The following RNF126 variants were observed in gnomAD, a reference collection of about 807,000 sequenced individuals.
RNF126 encodes E3 ubiquitin-protein ligase RNF126.
In RNF126, 20 loss-of-function variants were observed where a neutral mutation model predicts 41.9. The observed-to-expected ratio is 0.48, with a 90% confidence interval of 0.34 to 0.69. RNF126 has a LOEUF of 0.69. Among genes scored for constraint, RNF126 ranks in the 30% least tolerant of loss-of-function variants. The pLI, the probability that RNF126 is intolerant of heterozygous loss-of-function variation, is 0.01. For synonymous variants in RNF126, 239 were observed against 202.9 expected (o/e 1.18, Z -1.51); for missense variants, 433 against 460.6 (o/e 0.94, Z 0.55).
intron 3 of RNF126, 149 bp downstream of exon 3, chr19:652,084 C>T (rs1600632819): frequency 6.7e-6 from 5 of 751,768 alleles, no homozygotes; most frequent in South Asian, 4.1e-5. Flanking sequence ...GCGTGGGCCG[C>T]CCCAATCCCT....
rs913452366 is a variant in RNF126 at position 663,123 on chromosome 19, G to A, written c.-2C>T. 4.7e-6 allele frequency: 6 copies of A among 1,287,132 alleles called. No individual in the cohort carries two copies. The highest frequency in any genetic ancestry group is 5.9e-6 in the Non-Finnish European group (6 of 1,011,102). The allele number at this position is 1,287,132 out of a possible 1,614,324, so 79.7% of individuals were successfully genotyped here. On this transcript the variant is annotated 5_prime_UTR_variant, in exon 1 of 9. Coordinates refer to ENST00000292363, the MANE Select transcript of RNF126 (RefSeq NM_194460.3). ...GGGATGCGGCGACGCCTCGGCCATG[G>A]CCGCCGCCACCTACTCCGCGCCGCC...
Position 648,360 on chromosome 19 carries a change from CGGGG to C in RNF126, c.786+8_786+11del. 3.0e-5 allele frequency: 9 copies of C among 302,184 alleles called. No individual in the cohort carries two copies. Among genetic ancestry groups the C allele is most frequent in the Non-Finnish European group, 4.4e-5 (9 of 204,962 alleles). The allele number at this position is 302,184 out of a possible 1,614,324, so 18.7% of individuals were successfully genotyped here. On this transcript the variant is annotated splice_region_variant and intron_variant, in intron 8 of 8. Coordinates refer to ENST00000292363, the MANE Select transcript of RNF126 (RefSeq NM_194460.3). ...CGGTCGGGGTGGGGGGGCGGGTGGG[CGGGG>C]CACTCACCTGCTCCAGCCAGGGCAC...
intron 1 of RNF126, among the ~76,000 whole-genome samples, chr19:661,919 C>T (rs1046024288): frequency 6.6e-6 from 1 of 152,196 alleles, no homozygotes; most frequent in Non-Finnish European, 1.5e-5. Context: ...CTGCCACTTT[C>T]CCGCTGAGCC....
chr19:650,377 C>T, intron 4 of RNF126, 81 bp from the exon 5 acceptor site: 3 of 1,245,162 alleles, frequency 2.4e-6, no homozygotes, highest in Non-Finnish European at 2.3e-6. Context: ...CCGTGGTGAG[C>T]ACCAAGGGCA....
Position 648,352 on chromosome 19 carries a change from CGGGTGGG to C in RNF126, c.786+13_786+19del. The C allele has an allele frequency of 6.8e-6, 7 of 1,025,854 alleles. No individual in the cohort carries two copies. The highest frequency in any genetic ancestry group is 3.4e-4 in the Middle Eastern group (1 of 2,980). The allele number at this position is 1,025,854 out of a possible 1,614,324, so 63.5% of individuals were successfully genotyped here. On this transcript the variant is annotated intron_variant, in intron 8 of 8. Transcript: ENST00000292363. ...GAGGGCCGCGGTCGGGGTGGGGGGG[CGGGTGGG>C]CGGGGCACTCACCTGCTCCAGCCAG...
At chr19:651,910 G>A in intron 3 of RNF126, 55 bp from the exon 4 acceptor site, 3 of 1,497,950 alleles carry the variant, frequency 2.0e-6, no homozygotes, top group Non-Finnish European at 2.7e-6. Context: ...CAGTCTGCTG[G>A]GGGCGCTAGG....
rs1310860102 is a variant in RNF126, at chr19:659,116, G to A, written c.75+3931C>T. ...GCAGAGCCGCTCCAGGGTGCTGGCC[G>A]GACGCTTGAGAGGCAGGGGCAGGCT... On this transcript the variant is annotated intron_variant, in intron 1 of 8. Transcript: ENST00000292363. The surrounding 1 kb of genome is among the most constrained non-coding windows in gnomAD (Gnocchi z 4.9). 2.6e-5 allele frequency among the ~76,000 whole-genome samples: 4 copies of A among 152,196 alleles called. No homozygotes were observed. Among genetic ancestry groups the A allele is most frequent in the African/African-American group, 7.2e-5 (3 of 41,440 alleles).
At position 652,877 on chromosome 19, in the gene RNF126, A is replaced by G. The variant is rs751376878; in HGVS notation, c.83T>C (p.Ile28Thr). The change falls in exon 2 of 9, where the codon ATC becomes ACC. Residue 28 changes from isoleucine (I) to threonine (T), a missense_variant. Around this residue, in one of 5 missense-constraint regions of RNF126, gnomAD observed 247 missense variants for 224.7 expected, o/e 1.10. Coordinates refer to ENST00000292363, the MANE Select transcript of RNF126 (RefSeq NM_194460.3). ...VEIVPRLPDY[I>T]CPRCESGFIE... ...AAAACCAGACTCGCATCTTGGACAG[A>G]TATAATCCTGCAGGAGAGAACAGGA... is the stretch of plus-strand genomic sequence containing the variant. 3.7e-6 allele frequency: 6 copies of G among 1,612,628 alleles called. No homozygotes were observed. The highest frequency in any genetic ancestry group is 2.7e-5 in the African/African-American group (2 of 74,872).
At chr19:657,474 G>A (rs1261565057) in intron 1 of RNF126, among the ~76,000 whole-genome samples, 2 of 152,222 alleles carry the variant, frequency 1.3e-5, no homozygotes, top group African/African-American at 2.4e-5. Flanking sequence ...CCTGCCCGCA[G>A]CGGCCGTGGG....
chr19:658,678 C>A (rs1053804642), intron 1 of RNF126, among the ~76,000 whole-genome samples: 1 of 152,220 alleles, frequency 6.6e-6, no homozygotes, highest in South Asian at 2.1e-4. Flanking sequence ...CCACACACTC[C>A]CAAGACAAGC....
At position 648,889 on chromosome 19, in the gene RNF126, C is replaced by T; in HGVS notation, c.663G>A (p.Glu221=). The T allele has an allele frequency of 6.9e-7, 1 of 1,442,760 alleles. No homozygotes were observed. Among genetic ancestry groups the T allele is most frequent in the South Asian group, 1.7e-5 (1 of 60,516 alleles). The allele number at this position is 1,442,760 out of a possible 1,614,324, so 89.4% of individuals were successfully genotyped here. Residue 221 remains glutamate (E), a synonymous_variant, in exon 7 of 9, where the codon GAG becomes GAA. Coordinates refer to ENST00000292363, the MANE Select transcript of RNF126 (RefSeq NM_194460.3). ...GAGGCTGAGCTCTCATACCTACGTG[C>T]TCCTCAGTGACGGGGACGGTGGGGA... The part of the protein sequence containing the change: ...QALPTVPVTE[E]HVGSGLECPV...
At position 651,800 on chromosome 19, in the gene RNF126, C is replaced by G. The variant is rs1600632152; in HGVS notation, c.254G>C (p.Gly85Ala). The change falls in exon 4 of 9, where the codon GGC becomes GCC. Residue 85 changes from glycine (G) to alanine (A), a missense_variant. Gly to Ala is a moderately conservative substitution (Grantham distance 60). Transcript: ENST00000292363. ...LPQGYGQFAF[G>A]IFDDSFEIPT... ...GATCTCGAAGCTGTCATCGAAGATG[C>G]CGAAAGCAAACTGTCCGTAGCCCTG... 1 of 1,612,636 alleles carries G rather than the reference C, an allele frequency of 6.2e-7. No homozygotes were observed. Among genetic ancestry groups the G allele is most frequent in the Admixed American group, 1.7e-5 (1 of 59,988 alleles).
chr19:654,134 C>G (rs1378099862), intron 1 of RNF126, among the ~76,000 whole-genome samples: 1 of 152,258 alleles, frequency 6.6e-6, no homozygotes, highest in African/African-American at 2.4e-5. Context: ...CCACACCACG[C>G]CGTGCCTGCC....
chr19:652,732 C>A, intron 2 of RNF126, 94 bp downstream of exon 2: 1 of 1,183,876 alleles, frequency 8.4e-7, no homozygotes, highest in Non-Finnish European at 1.2e-6. Context: ...GACGGCCCCA[C>A]ACTCGGCGGG....
chr19:650,398 C>G, intron 4 of RNF126, 102 bp from the exon 5 acceptor site: 1 of 943,968 alleles, frequency 1.1e-6, no homozygotes, highest in Non-Finnish European at 1.6e-6. Context: ...GGGCCAGCAT[C>G]AGCTTCTAGA....
At chr19:653,346 T>A (rs905968280) in intron 1 of RNF126, among the ~76,000 whole-genome samples, 7 of 152,164 alleles carry the variant, frequency 4.6e-5, no homozygotes, top group Admixed American at 1.3e-4. Flanking sequence ...GCCACACCCC[T>A]GCAAGACCCC....
intron 1 of RNF126, among the ~76,000 whole-genome samples, chr19:655,146 CA>C (rs979177177): frequency 5.9e-5 from 9 of 152,032 alleles, no homozygotes; most frequent in African/African-American, 2.2e-4. Context: ...CCCATTTCTA[CA>C]AAAAACAAAT....
At chr19:654,132 C>T (rs1026316893) in intron 1 of RNF126, among the ~76,000 whole-genome samples, 10 of 152,256 alleles carry the variant, frequency 6.6e-5, no homozygotes, top group African/African-American at 1.7e-4. Flanking sequence ...GCCCACACCA[C>T]GCCGTGCCTG....
At chr19:661,559 A>G (rs1379276543) in intron 1 of RNF126, among the ~76,000 whole-genome samples, 1 of 152,080 alleles carries the variant, frequency 6.6e-6, no homozygotes, top group African/African-American at 2.4e-5. Context: ...GCTTCAGTAG[A>G]GAGGAAACCA....
Sources: allele counts gnomAD v4.1 joint callset (sites outside exome capture counted in the v4.1 genomes callset), GRCh38; gene constraint gnomAD v4.1.1; regional missense constraint gnomAD v4.1.1; non-coding constraint Gnocchi (gnomAD v3.1); transcripts MANE v1.5; gene names NCBI Gene and HGNC (gene_info 2026-07-23, HGNC 2026-07-21).